Variants in AP3B1 observed in about 807,000 individuals in gnomAD.
AP3B1 encodes adaptor related protein complex 3 subunit beta 1.
AP3B1 carries 61 observed loss-of-function variants against 132.5 expected under a neutral mutation model. The ratio of observed to expected loss-of-function variants is 0.46; its 90% CI spans 0.37 to 0.57. The LOEUF (loss-of-function observed/expected upper bound fraction) is 0.57, where lower values mean the gene tolerates loss of function less well. Among genes scored for constraint, AP3B1 ranks in the 20% least tolerant of loss-of-function variants. AP3B1 has a pLI of 0.00. For synonymous variants in AP3B1, 388 were observed against 438.3 expected (o/e 0.89, Z 1.43); for missense variants, 1,120 against 1,289.4 (o/e 0.87, Z 2.01).
intron 1 of AP3B1, among the ~76,000 whole-genome samples, chr5:78,275,768 G>A (rs150709125): frequency 2.1e-3 from 324 of 152,104 alleles, no homozygotes; most frequent in Non-Finnish European, 3.9e-3. Flanking sequence ...CACTGCCCCC[G>A]GCCATGATTG....
At position 78,223,871 on chromosome 5, in the gene AP3B1, T is replaced by A. The variant is rs1391780487; in HGVS notation, c.603+1671A>T. Among the ~76,000 whole-genome samples the A allele has an allele frequency of 2.0e-5, 3 of 152,202 alleles. No individual in the cohort carries two copies. The East Asian group carries it at 5.8e-4, about 29-fold the overall frequency. On this transcript the variant is annotated intron_variant, in intron 6 of 26. Transcript: ENST00000255194. ...GCTATTGTTTTTACCTATGATATGCTGTATCCTGTCTGGGAAGACATGCAC... is the reference window on the plus strand; with the variant it reads ...GCTATTGTTTTTACCTATGATATGCAGTATCCTGTCTGGGAAGACATGCAC...
intron 1 of AP3B1, among the ~76,000 whole-genome samples, chr5:78,289,431 G>A (rs955266948): frequency 6.6e-6 from 1 of 152,210 alleles, no homozygotes; most frequent in Non-Finnish European, 1.5e-5. Flanking sequence ...AAAGCATGCA[G>A]TACTTTGCTT....
chr5:78,203,498 GGATT>G (rs1340869702), intron 7 of AP3B1, among the ~76,000 whole-genome samples: 1 of 151,950 alleles, frequency 6.6e-6, no homozygotes, highest in African/African-American at 2.4e-5. Context: ...TGACATGTGG[GGATT>G]ATTACAGTTC....
chr5:78,250,349 C>T (rs948190953), intron 2 of AP3B1, among the ~76,000 whole-genome samples: 2 of 152,118 alleles, frequency 1.3e-5, no homozygotes, highest in Non-Finnish European at 2.9e-5. Context: ...TTAATGAAGA[C>T]GTACCAATTA....
chr5:78,080,623 AT>A (rs66609184), intron 22 of AP3B1, among the ~76,000 whole-genome samples: 6,433 of 102,862 alleles, frequency 0.063, 98 homozygotes, highest in African/African-American at 0.16. Flanking sequence ...TATGCCTCCA[AT>A]TTTTTTTTTT....
intron 21 of AP3B1, among the ~76,000 whole-genome samples, chr5:78,091,233 C>A (rs1379252823): frequency 3.2e-5 from 3 of 93,826 alleles, no homozygotes; most frequent in Non-Finnish European, 6.4e-5. Flanking sequence ...TCAAGATCCT[C>A]AAGTAACAAA....
At chr5:78,081,743 T>G (rs1750017656) in intron 22 of AP3B1, among the ~76,000 whole-genome samples, 1 of 152,014 alleles carries the variant, frequency 6.6e-6, no homozygotes, top group Non-Finnish European at 1.5e-5. Context: ...GGAATATAAC[T>G]ATCTGTAGTT....
chr5:78,274,770 T>A (rs939051487), intron 1 of AP3B1, among the ~76,000 whole-genome samples: 3 of 152,036 alleles, frequency 2.0e-5, no homozygotes, highest in Non-Finnish European at 1.5e-5. Flanking sequence ...AAAATATTTT[T>A]AAAAAATTAG....
chr5:78,203,035 C>T (rs1332210448), intron 7 of AP3B1, among the ~76,000 whole-genome samples: 3 of 152,190 alleles, frequency 2.0e-5, no homozygotes, highest in Admixed American at 6.5e-5. Context: ...TCTTTCAACA[C>T]TTCAAACATG....
chr5:78,121,193 A>G (rs955933481), intron 17 of AP3B1, among the ~76,000 whole-genome samples: 27 of 152,182 alleles, frequency 1.8e-4, no homozygotes, highest in South Asian at 4.1e-4. Flanking sequence ...CATTCAAAGC[A>G]GTGTGTAGAG....
chr5:78,207,456 G>T (rs1459274618), intron 7 of AP3B1, among the ~76,000 whole-genome samples: 11 of 151,464 alleles, frequency 7.3e-5, no homozygotes, highest in Admixed American at 7.3e-4. Flanking sequence ...AAACATTAAA[G>T]AAATTTTCTA....
At chr5:78,058,509 AAT>A (rs969923419) in intron 22 of AP3B1, among the ~76,000 whole-genome samples, 8 of 152,230 alleles carry the variant, frequency 5.3e-5, no homozygotes, top group African/African-American at 1.9e-4. Flanking sequence ...CAAAAAAAAA[AAT>A]GTTATTATAA....
At chr5:78,142,231 C>G (rs1307768696) in intron 14 of AP3B1, among the ~76,000 whole-genome samples, 1 of 152,136 alleles carries the variant, frequency 6.6e-6, no homozygotes, top group Admixed American at 6.6e-5. Context: ...AATTGGAAAC[C>G]TTCCATCAGT....
At chr5:78,273,715 C>T (rs1004553051) in intron 1 of AP3B1, among the ~76,000 whole-genome samples, 3 of 152,038 alleles carry the variant, frequency 2.0e-5, no homozygotes, top group Admixed American at 2.0e-4. Context: ...TTGGTGAATG[C>T]CCTGGACTTT....
chr5:78,015,085 T>G (rs928294998), intron 26 of AP3B1, among the ~76,000 whole-genome samples: 2 of 152,182 alleles, frequency 1.3e-5, no homozygotes, highest in Non-Finnish European at 2.9e-5. Context: ...TTCCTGGACA[T>G]CTACTGAATC....
At position 78,080,827 on chromosome 5, in the gene AP3B1, T is replaced by C. The variant is rs252755; in HGVS notation, c.2577+8566A>G. ...AACTAGGTTAATACAATCAATGGTATGAAAATATGATCGGTGGAAAAACTT... is the reference window on the plus strand; with the variant it reads ...AACTAGGTTAATACAATCAATGGTACGAAAATATGATCGGTGGAAAAACTT... On this transcript the variant is annotated intron_variant, in intron 22 of 26. Coordinates refer to ENST00000255194, the MANE Select transcript of AP3B1 (RefSeq NM_003664.5). Among the ~76,000 whole-genome samples the C allele has an allele frequency of 1.6e-3, 247 of 152,288 alleles. 1 individual carries two copies. Among genetic ancestry groups the C allele is most frequent in the Non-Finnish European group, 3.0e-3 (204 of 68,018 alleles).
intron 1 of AP3B1, among the ~76,000 whole-genome samples, chr5:78,285,144 GA>G (rs34996296): frequency 2.5e-4 from 24 of 94,660 alleles, no homozygotes; most frequent in Middle Eastern, 6.5e-3. Flanking sequence ...AGCTACTCGG[GA>G]GGCTGAGGCA....
chr5:78,225,058 T>C (rs139809414), intron 6 of AP3B1, among the ~76,000 whole-genome samples: 2 of 152,040 alleles, frequency 1.3e-5, no homozygotes, highest in East Asian at 1.9e-4. Context: ...CATAAACCAA[T>C]AGTTACAGCT....
intron 21 of AP3B1, among the ~76,000 whole-genome samples, chr5:78,092,985 T>A (rs949502333): frequency 6.6e-6 from 1 of 152,276 alleles, no homozygotes; most frequent in Admixed American, 6.5e-5. Flanking sequence ...TTCTTCAAAG[T>A]CTTTGTTCCA....
Sources: allele counts gnomAD v4.1 joint callset (sites outside exome capture counted in the v4.1 genomes callset), GRCh38; gene constraint gnomAD v4.1.1; transcripts MANE v1.5; gene names NCBI Gene and HGNC (gene_info 2026-07-23, HGNC 2026-07-21).